The following RALYL variants were observed in gnomAD, a reference collection of about 807,000 sequenced individuals.
RALYL encodes RNA-binding Raly-like protein.
RALYL carries 29 observed loss-of-function variants against 35.1 expected under a neutral mutation model. That is an observed-to-expected ratio of 0.83 (90% CI 0.61 to 1.13). The LOEUF (loss-of-function observed/expected upper bound fraction) is 1.13. Ranked by LOEUF, RALYL falls within the 50% of genes most tolerant of loss-of-function variation. RALYL has a pLI of 0.00. For synonymous variants in RALYL, 120 were observed against 127.6 expected (o/e 0.94, Z 0.40); for missense variants, 359 against 360.4 (o/e 1.00, Z 0.03).
chr8:84,353,410 C>T (rs1851271629), intron 1 of RALYL, among the ~76,000 whole-genome samples: 1 of 150,280 alleles, frequency 6.7e-6, no homozygotes, highest in South Asian at 2.1e-4. Flanking sequence ...GATCACCTGC[C>T]ACAGCAATAT....
At chr8:84,550,207 C>CT (rs1209367880) in intron 2 of RALYL, among the ~76,000 whole-genome samples, 4 of 152,024 alleles carry the variant, frequency 2.6e-5, no homozygotes. Flanking sequence ...GTCTCTCTCT[C>CT]TCTCTCTATC....
intron 1 of RALYL, among the ~76,000 whole-genome samples, chr8:84,512,756 T>C (rs547712553): frequency 6.6e-6 from 1 of 152,298 alleles, no homozygotes; most frequent in Non-Finnish European, 1.5e-5. Flanking sequence ...GGATGTCCAA[T>C]TTTCCCAGCA....
rs181986623 is a variant in RALYL at position 84,428,370 on chromosome 8, A to G, written c.-23-100929A>G. 1.5e-3 allele frequency among the ~76,000 whole-genome samples: 225 copies of G among 152,276 alleles called. 2 individuals are homozygous for G. The highest frequency in any genetic ancestry group is 4.4e-3 in the African/African-American group (183 of 41,554). The stretch of plus-strand genomic sequence containing the variant: ...ATCACCTCCGAGGAGTTTCACATGT[A>G]TCTTGGATTCATCCTAATGTGGGGT... On this transcript the variant is annotated intron_variant, in intron 1 of 8. Coordinates refer to ENST00000521268, the MANE Select transcript of RALYL (RefSeq NM_173848.7).
chr8:84,733,825 T>C (rs1028850852), intron 2 of RALYL, among the ~76,000 whole-genome samples: 2 of 152,164 alleles, frequency 1.3e-5, no homozygotes, highest in Non-Finnish European at 2.9e-5. Flanking sequence ...CTGCATGAAA[T>C]ACCTGACCCA....
intron 2 of RALYL, among the ~76,000 whole-genome samples, chr8:84,649,599 G>A (rs1250633570): frequency 1.6e-4 from 25 of 152,042 alleles, no homozygotes; most frequent in South Asian, 6.2e-4. Context: ...GTAGATATGC[G>A]GCGTTATTTC....
chr8:84,614,369 A>G (rs7842614), intron 2 of RALYL, among the ~76,000 whole-genome samples: 42,927 of 151,212 alleles, frequency 0.28, 6,996 homozygotes, highest in African/African-American at 0.41. Flanking sequence ...TGACAACATA[A>G]ATCTTCCTGA....
intron 1 of RALYL, among the ~76,000 whole-genome samples, chr8:84,372,042 C>CA (rs1239603604): frequency 2.4e-4 from 37 of 151,858 alleles, no homozygotes; most frequent in Non-Finnish European, 7.4e-5. Context: ...CAAAACAAAA[C>CA]AAAAAATGCT....
At chr8:84,796,773 T>C (rs2133918137) in intron 3 of RALYL, among the ~76,000 whole-genome samples, 1 of 152,232 alleles carries the variant, frequency 6.6e-6, no homozygotes, top group East Asian at 1.9e-4. Context: ...ATTTATAAAA[T>C]ATCATGCTAA....
At chr8:84,674,426 G>A (rs1833821593) in intron 2 of RALYL, among the ~76,000 whole-genome samples, 1 of 152,134 alleles carries the variant, frequency 6.6e-6, no homozygotes, top group Admixed American at 6.6e-5. Context: ...TAGAAATGGT[G>A]AGAGAGGGCA....
intron 2 of RALYL, among the ~76,000 whole-genome samples, chr8:84,770,416 A>ATACATATATATATATATACATATATATAT (rs1554579552): frequency 1.3e-5 from 2 of 151,922 alleles, no homozygotes; most frequent in African/African-American, 4.8e-5. Flanking sequence ...TCATATATAT[A>ATACATATATATATATATACATATATATAT]TACACACCAT....
intron 1 of RALYL, among the ~76,000 whole-genome samples, chr8:84,279,317 C>A (rs1836062667): frequency 6.6e-6 from 1 of 152,132 alleles, no homozygotes; most frequent in South Asian, 2.1e-4. Flanking sequence ...ATATCACTTA[C>A]TATGTTTGGG....
intron 8 of RALYL, among the ~76,000 whole-genome samples, chr8:84,917,012 C>T (rs1848584404): frequency 6.6e-6 from 1 of 151,890 alleles, no homozygotes; most frequent in Non-Finnish European, 1.5e-5. Context: ...TTATGTTTAG[C>T]TTCAGTTTTA....
At chr8:84,561,123 T>C (rs1457866052) in intron 2 of RALYL, among the ~76,000 whole-genome samples, 3 of 152,060 alleles carry the variant, frequency 2.0e-5, no homozygotes, top group African/African-American at 7.2e-5. Context: ...AAAATCTAAT[T>C]TTTCTTAACC....
intron 1 of RALYL, among the ~76,000 whole-genome samples, chr8:84,403,254 T>C (rs561546872): frequency 6.6e-6 from 1 of 152,230 alleles, no homozygotes; most frequent in South Asian, 2.1e-4. Context: ...TCCTGAATGG[T>C]ATTGCCTAGG....
intron 1 of RALYL, among the ~76,000 whole-genome samples, chr8:84,288,947 A>T (rs1029774378): frequency 5.1e-4 from 77 of 152,294 alleles, no homozygotes; most frequent in African/African-American, 1.8e-3. Context: ...AAGCTATCAC[A>T]ATAGGAGAGA....
chr8:84,916,629 C>A (rs1191898117), intron 8 of RALYL, among the ~76,000 whole-genome samples: 1 of 152,034 alleles, frequency 6.6e-6, no homozygotes, highest in East Asian at 1.9e-4. Context: ...GCTTCCCCAG[C>A]CACGTGGAAC....
chr8:84,749,636 T>C (rs1809479968), intron 2 of RALYL, among the ~76,000 whole-genome samples: 1 of 152,120 alleles, frequency 6.6e-6, no homozygotes, highest in Admixed American at 6.6e-5. Context: ...CATAAATTAG[T>C]AAGAGAAAGA....
Position 84,244,152 on chromosome 8 carries a change from A to C in RALYL, c.-24+59728A>C, listed in dbSNP as rs76551074. On this transcript the variant is annotated intron_variant, in intron 1 of 8. Transcript: ENST00000521268. ...TATTAATATGATTAATATGATTGCT[A>C]TTCCCTATAAATTTTCCAGTAATCC... is the stretch of plus-strand genomic sequence containing the variant. Among the ~76,000 whole-genome samples the C allele has an allele frequency of 4.0e-4, 61 of 152,248 alleles. No homozygotes were observed. The East Asian group carries it at 9.9e-3, about 25-fold the overall frequency.
chr8:84,340,244 T>C (rs901862136), intron 1 of RALYL, among the ~76,000 whole-genome samples: 5 of 152,078 alleles, frequency 3.3e-5, no homozygotes, highest in African/African-American at 1.2e-4. Context: ...ATACATCAGG[T>C]CTTTGCTAGG....
Sources: allele counts gnomAD v4.1 joint callset (sites outside exome capture counted in the v4.1 genomes callset), GRCh38; gene constraint gnomAD v4.1.1; transcripts MANE v1.5; gene names NCBI Gene and HGNC (gene_info 2026-07-23, HGNC 2026-07-21).